Variants in TBC1D21 observed in about 807,000 individuals in gnomAD.
TBC1D21 encodes TBC1 domain family member 21.
TBC1D21 carries 38 observed loss-of-function variants against 46.0 expected under a neutral mutation model. The observed-to-expected ratio is 0.83, with a 90% CI of 0.64 to 1.08. The LOEUF is 1.08. Ranked by LOEUF, TBC1D21 falls within the 50% of genes least tolerant of loss-of-function variation. The pLI is 0.00. For missense variants in TBC1D21, 415 were observed against 417.9 expected (o/e 0.99, Z 0.06); for synonymous variants, 151 against 157.2 (o/e 0.96, Z 0.29).
At chr15:73,886,209 C>G in intron 7 of TBC1D21, 35 bp downstream of exon 7, 1 of 1,585,230 alleles carries the variant, frequency 6.3e-7, no homozygotes, top group Non-Finnish European at 8.7e-7. Flanking sequence ...CCTCACGCAC[C>G]CCCCAGGCAT....
the TBC1D21 span, among the ~76,000 whole-genome samples, chr15:73,907,673 C>T: frequency 0.012 from 1,850 of 152,336 alleles, 26 homozygotes; most frequent in African/African-American, 0.042. Flanking sequence ...TCACATGTTC[C>T]ATTCCCACAT....
chr15:73,897,648 T>C, the TBC1D21 span, among the ~76,000 whole-genome samples: 2 of 152,180 alleles, frequency 1.3e-5, no homozygotes, highest in East Asian at 3.9e-4. Context: ...CCAGGCACCC[T>C]GCCCAGGTTG....
At chr15:73,909,030 G>A in the TBC1D21 span, among the ~76,000 whole-genome samples, 4 of 152,160 alleles carry the variant, frequency 2.6e-5, no homozygotes, top group African/African-American at 7.2e-5. Flanking sequence ...CTGCATCCTC[G>A]TCTGCAAAGT....
chr15:73,886,760 C>T, intron 8 of TBC1D21, 148 bp downstream of exon 8: 1 of 710,764 alleles, frequency 1.4e-6, no homozygotes. Context: ...CCTGCTCCCA[C>T]CTTGCTGGAG....
At chr15:73,876,226 T>G (rs1322854754) in intron 1 of TBC1D21, among the ~76,000 whole-genome samples, 2,581 of 33,570 alleles carry the variant, frequency 0.077, 402 homozygotes, top group African/African-American at 0.27. Context: ...TTTTTTTTTT[T>G]TTTTTTTTTT....
At chr15:73,887,761 C>T (rs1377756237) in intron 9 of TBC1D21, 25 bp downstream of exon 9, 3 of 1,595,408 alleles carry the variant, frequency 1.9e-6, no homozygotes, top group Middle Eastern at 1.9e-4. Flanking sequence ...GGGCAAGCTA[C>T]CACCCCTGCT....
chr15:73,877,599 T>A (rs1021552638), intron 1 of TBC1D21, among the ~76,000 whole-genome samples: 5 of 143,534 alleles, frequency 3.5e-5, no homozygotes, highest in African/African-American at 1.3e-4. Context: ...ATACCAAAAT[T>A]AGAGATCTTA....
At chr15:73,900,455 A>G in the TBC1D21 span, among the ~76,000 whole-genome samples, 2 of 152,156 alleles carry the variant, frequency 1.3e-5, no homozygotes, top group Non-Finnish European at 2.9e-5. Context: ...ACCACAAGGC[A>G]CCAGAGAAGA....
At chr15:73,904,641 C>A in the TBC1D21 span, among the ~76,000 whole-genome samples, 1 of 152,048 alleles carries the variant, frequency 6.6e-6, no homozygotes, top group Non-Finnish European at 1.5e-5. Flanking sequence ...TGTTGACTGG[C>A]AGCATGGTGC....
At chr15:73,892,605 C>G (rs1055251186), downstream of TBC1D21, among the ~76,000 whole-genome samples, 14 of 152,390 alleles carry the variant, frequency 9.2e-5, no homozygotes, top group Admixed American at 9.1e-4. Flanking sequence ...GCCCCTCCCA[C>G]CACAGCTGGC....
In TBC1D21 at chr15:73,886,571, C is replaced by T. The variant is rs763203157; in HGVS notation, c.736C>T (p.Arg246Cys). Residue 246 changes from arginine to cysteine, a missense_variant, in exon 8 of 11, where the codon CGT becomes TGT. Physicochemically the swap from Arg to Cys is radical, Grantham distance 180 (BLOSUM62 -3). Coordinates refer to ENST00000300504, the MANE Select transcript of TBC1D21 (RefSeq NM_153356.3). ...LFPWFCFCFQRAFKSFDDVWR... is the reference protein window; with the variant it reads ...LFPWFCFCFQCAFKSFDDVWR... ...CCCCTGGTTCTGCTTCTGCTTCCAG[C>T]GTGCCTTCAAGTCCTTCGATGATGT... The T allele has an allele frequency of 2.8e-5, 45 of 1,613,616 alleles. No homozygotes were observed. Among genetic ancestry groups the T allele is most frequent in the African/African-American group, 8.0e-5 (6 of 74,924 alleles).
the TBC1D21 span, among the ~76,000 whole-genome samples, chr15:73,907,562 A>G: frequency 6.6e-6 from 1 of 152,168 alleles, no homozygotes; most frequent in African/African-American, 2.4e-5. Flanking sequence ...ATTTTTGCTC[A>G]GGCTAATGTG....
chr15:73,875,631 A>G (rs2068047408), intron 1 of TBC1D21, among the ~76,000 whole-genome samples: 1 of 152,146 alleles, frequency 6.6e-6, no homozygotes, highest in Non-Finnish European at 1.5e-5. Context: ...AAGAATGGCC[A>G]AGGCTTCCTC....
chr15:73,898,902 T>TATATACAC, the TBC1D21 span, among the ~76,000 whole-genome samples: 2 of 112,880 alleles, frequency 1.8e-5, no homozygotes, highest in Non-Finnish European at 1.8e-5. Flanking sequence ...TATATATATA[T>TATATACAC]ACACACACAC....
intron 3 of TBC1D21, among the ~76,000 whole-genome samples, chr15:73,883,218 C>A (rs1236550354): frequency 6.6e-6 from 1 of 152,200 alleles, no homozygotes. Flanking sequence ...CCAGAGTGAC[C>A]CGGGGTGGGA....
At chr15:73,887,894 C>T (rs534435221) in intron 9 of TBC1D21, among the ~76,000 whole-genome samples, 158 bp downstream of exon 9, 3 of 152,224 alleles carry the variant, frequency 2.0e-5, no homozygotes, top group Non-Finnish European at 4.4e-5. Context: ...TACGGATTAC[C>T]GTGCCAAGGG....
At chr15:73,890,118 T>G (rs1369692941), downstream of TBC1D21, among the ~76,000 whole-genome samples, 3 of 152,190 alleles carry the variant, frequency 2.0e-5, no homozygotes, top group Non-Finnish European at 4.4e-5. Flanking sequence ...ATCCCTTGCT[T>G]TTGCTGTGAA....
chr15:73,902,723 C>G, the TBC1D21 span, among the ~76,000 whole-genome samples: 2 of 152,234 alleles, frequency 1.3e-5, no homozygotes, highest in Non-Finnish European at 2.9e-5. Context: ...CCCTGGAGAG[C>G]AGAGACCTTC....
Position 73,887,612 on chromosome 15 carries a change from AC to A in TBC1D21, c.778-5del. On this transcript the variant is annotated splice_polypyrimidine_tract_variant and splice_region_variant and intron_variant, in intron 8 of 10. Coordinates refer to ENST00000300504, the MANE Select transcript of TBC1D21 (RefSeq NM_153356.3). ...ACAGGGCCCAGACTGAGACGTCCTGACCCACAGGTTCTGCTGACGGGGAAGC... is the reference window on the plus strand; with the variant it reads ...ACAGGGCCCAGACTGAGACGTCCTGACCACAGGTTCTGCTGACGGGGAAGC... 6.2e-7 allele frequency: 1 copy of A among 1,613,306 alleles called. No homozygotes were observed. Among genetic ancestry groups the A allele is most frequent in the Non-Finnish European group, 8.5e-7 (1 of 1,179,436 alleles).
Sources: allele counts gnomAD v4.1 joint callset (sites outside exome capture counted in the v4.1 genomes callset), GRCh38; gene constraint gnomAD v4.1.1; transcripts MANE v1.5; gene names NCBI Gene and HGNC (gene_info 2026-07-23, HGNC 2026-07-21).